EEF2KMT: variants seen among roughly 807,000 people sequenced by gnomAD.
EEF2KMT encodes the protein eukaryotic elongation factor 2 lysine methyltransferase.
A neutral mutation model predicts 35.1 loss-of-function variants in EEF2KMT; 30 were observed. The observed-to-expected ratio is 0.85, with a 90% CI of 0.64 to 1.16. EEF2KMT has a LOEUF of 1.16. Among genes scored for constraint, EEF2KMT ranks in the 50% most tolerant of loss-of-function variants. EEF2KMT has a pLI of 0.00. For missense variants in EEF2KMT, 499 were observed against 438.2 expected (o/e 1.14, Z -1.24); for synonymous variants, 190 against 187.7 (o/e 1.01, Z -0.10).
intron 7 of EEF2KMT, among the ~76,000 whole-genome samples, chr16:5,087,748 G>A (rs12931578): frequency 7.0e-6 from 1 of 142,840 alleles, no homozygotes; most frequent in African/African-American, 2.6e-5. Flanking sequence ...GCAGTGGGCC[G>A]AGATGGCACC....
chr16:5,097,307 A>G (rs62038085), intron 1 of EEF2KMT: 62,862 of 1,355,476 alleles, frequency 0.046, 1,702 homozygotes, highest in East Asian at 0.15. Flanking sequence ...CTGACTTTTT[A>G]GAATGGGCGA....
chr16:5,097,557 G>A, intron 1 of EEF2KMT, 87 bp downstream of exon 1: 2 of 1,515,392 alleles, frequency 1.3e-6, no homozygotes, highest in Non-Finnish European at 1.8e-6. Flanking sequence ...TGGCGGGAGC[G>A]CCAGGGGCTT....
rs190402165 is a variant in EEF2KMT, at chr16:5,085,656, C to T, written c.969G>A (p.Met323Ile). ...KLFPYEEHLEMAMLNLTL is the reference protein window; with the variant it reads ...KLFPYEEHLEIAMLNLTL ...CCTACAGGGTGAGATTCAGCATTGC[C>T]ATCTCCAAGTGCTCTTCGTAGGGAA... Residue 323 changes from methionine to isoleucine, a missense_variant, in exon 8 of 8, where the codon ATG becomes ATA. Physicochemically the swap from Met to Ile is conservative, Grantham distance 10. Coordinates refer to ENST00000427587, the MANE Select transcript of EEF2KMT (RefSeq NM_201400.4). The T allele has an allele frequency of 2.4e-4, 380 of 1,611,242 alleles. 4 individuals carry two copies. In the East Asian group the frequency reaches 5.2e-3, roughly 22 times the overall value.
In EEF2KMT at chr16:5,091,723, C is replaced by G. The variant is rs1319644141; in HGVS notation, c.342+71G>C. On this transcript the variant is annotated intron_variant, in intron 4 of 7. Coordinates refer to ENST00000427587, the MANE Select transcript of EEF2KMT (RefSeq NM_201400.4). ...GGTGAGTCAGGATTTGAACCCACAC[C>G]CACGTTTTCACTTTGTCTGTGCAGG... 5.0e-6 allele frequency: 8 copies of G among 1,597,220 alleles called. No homozygotes were observed. The South Asian group carries it at 5.6e-5, about 11-fold the overall frequency.
chr16:5,091,768 G>C lies in EEF2KMT; in HGVS notation c.342+26C>G, dbSNP rs762863799. On this transcript the variant is annotated intron_variant, in intron 4 of 7. Transcript: ENST00000427587. ...TGCAGGAAGGGTATCTGGGCTGTGAGGGGGAGGAGGGTGCCCTTCTCATAC... is the reference window on the plus strand; with the variant it reads ...TGCAGGAAGGGTATCTGGGCTGTGACGGGGAGGAGGGTGCCCTTCTCATAC... 1.7e-5 allele frequency: 28 copies of C among 1,610,824 alleles called. No individual in the cohort carries two copies. In the South Asian group the frequency reaches 2.1e-4, roughly 12 times the overall value.
At chr16:5,087,638 C>G (rs1042458532) in intron 7 of EEF2KMT, among the ~76,000 whole-genome samples, 2 of 151,880 alleles carry the variant, frequency 1.3e-5, no homozygotes, top group African/African-American at 4.8e-5. Flanking sequence ...ACTCTACAAA[C>G]AATACAAAAA....
At chr16:5,095,663 C>G (rs1957444278) in intron 1 of EEF2KMT, 149 bp from the exon 2 acceptor site, 5 of 1,290,846 alleles carry the variant, frequency 3.9e-6, no homozygotes, top group Non-Finnish European at 5.5e-6. Flanking sequence ...GAAAGCCTGA[C>G]ATTCAGATGT....
intron 1 of EEF2KMT, chr16:5,097,289 T>C (rs1362367844): frequency 1.5e-6 from 2 of 1,337,126 alleles, no homozygotes; most frequent in Non-Finnish European, 2.0e-6. Context: ...CCTGCGGTCC[T>C]GACGGCGCTG....
At chr16:5,086,984 A>G (rs1957200170) in intron 7 of EEF2KMT, 1 of 152,138 alleles carries the variant, frequency 6.6e-6, no homozygotes, top group Admixed American at 6.5e-5. Context: ...ACCCGGGACG[A>G]TTTTCAATCA....
chr16:5,088,186 C>G lies in EEF2KMT; in HGVS notation c.892+921G>C, dbSNP rs185930340. 1.2e-3 allele frequency among the ~76,000 whole-genome samples: 185 copies of G among 152,304 alleles called. 1 individual carries two copies. Among genetic ancestry groups the G allele is most frequent in the Non-Finnish European group, 1.9e-3 (132 of 68,032 alleles). ...TGAACACCTGGGGTCAAGTAGTCCT[C>G]TTGCCTTAGCCTCCTAAAGTGCTGG... On this transcript the variant is annotated intron_variant, in intron 7 of 7. Coordinates refer to ENST00000427587, the MANE Select transcript of EEF2KMT (RefSeq NM_201400.4).
In EEF2KMT at chr16:5,093,497, T is replaced by G. The variant is rs757528759; in HGVS notation, c.227A>C (p.Glu76Ala). 2 of 1,611,980 alleles carry G rather than the reference T, an allele frequency of 1.2e-6. No homozygotes were observed. The highest frequency in any genetic ancestry group is 1.7e-6 in the Non-Finnish European group (2 of 1,179,856). ...CCCATAACTGACCTTTTTGATGAGTTCTGAGAGAAAGCACCGGGCATATTT... is the reference window on the plus strand; with the variant it reads ...CCCATAACTGACCTTTTTGATGAGTGCTGAGAGAAAGCACCGGGCATATTT... ...SVKYARCFLS[E>A]LIKKHEAVHT... is the part of the protein sequence containing the mutation. The change falls in exon 3 of 8, where the codon GAA becomes GCA. Residue 76 changes from glutamate (E) to alanine (A), a missense_variant. Transcript: ENST00000427587.
Position 5,084,428 on chromosome 16 carries a change from T to C in EEF2KMT, c.*1204A>G, listed in dbSNP as rs1957076635. 2 of 524,240 alleles carry C rather than the reference T, an allele frequency of 3.8e-6. No homozygotes were observed. The highest frequency in any genetic ancestry group is 3.4e-5 in the East Asian group (1 of 29,174). 32.5% of individuals were successfully genotyped at this position (524,240 alleles called of 1,614,324 possible). A position where few individuals can be genotyped will look rare whatever the true frequency, so the allele number is the denominator to read the frequency against. ...TGCAAAGAACACCGACACCCCCTTGTTACCCACAGATGGGTGAGACTGCGT... is the reference window on the plus strand; with the variant it reads ...TGCAAAGAACACCGACACCCCCTTGCTACCCACAGATGGGTGAGACTGCGT... On this transcript the variant is annotated 3_prime_UTR_variant, in exon 8 of 8. Coordinates refer to ENST00000427587, the MANE Select transcript of EEF2KMT (RefSeq NM_201400.4).
At chr16:5,097,512 C>A in intron 1 of EEF2KMT, 132 bp downstream of exon 1, 5 of 1,464,482 alleles carry the variant, frequency 3.4e-6, no homozygotes, top group Non-Finnish European at 3.6e-6. Context: ...GACCGGGTCG[C>A]GCGGCCCTGA....
intron 1 of EEF2KMT, 38 bp downstream of exon 1, chr16:5,097,606 C>T (rs1443852134): frequency 6.5e-6 from 10 of 1,533,900 alleles, no homozygotes; most frequent in Non-Finnish European, 8.7e-6. Flanking sequence ...TGGACTCCCG[C>T]GAGCCCCGCG....
Position 5,090,615 on chromosome 16 carries a change from G to A in EEF2KMT, c.343-50C>T. The A allele has an allele frequency of 6.2e-7, 1 of 1,610,208 alleles. No individual in the cohort carries two copies. Among genetic ancestry groups the A allele is most frequent in the Non-Finnish European group, 8.5e-7 (1 of 1,178,584 alleles). ...TCAGTCCAGCGATCAGAAGGCAAGT[G>A]GCTTAGAAGACAAGTAGCCCCACCA... On this transcript the variant is annotated intron_variant, in intron 4 of 7. Transcript: ENST00000427587. This position sits in a 1 kb window ranked among gnomAD's most constrained non-coding sequence, Gnocchi z 4.1.
At position 5,084,839 on chromosome 16, in the gene EEF2KMT, G is replaced by A. The variant is rs772562254; in HGVS notation, c.*793C>T. Reference sequence around the variant, plus strand: ...AGTCGCAGCAGCTCCGATGGGATGAGAGCTGGGTGCAGACTGTGCTCCCTT... The same window carrying A: ...AGTCGCAGCAGCTCCGATGGGATGAAAGCTGGGTGCAGACTGTGCTCCCTT... On this transcript the variant is annotated 3_prime_UTR_variant, in exon 8 of 8. Coordinates refer to ENST00000427587, the MANE Select transcript of EEF2KMT (RefSeq NM_201400.4). 1.9e-5 allele frequency: 31 copies of A among 1,596,380 alleles called. No individual in the cohort carries two copies. The African/African-American group carries it at 2.4e-4, about 12-fold the overall frequency.
intron 2 of EEF2KMT, among the ~76,000 whole-genome samples, chr16:5,095,090 G>A (rs1957426733): frequency 6.6e-6 from 1 of 152,186 alleles, no homozygotes; most frequent in Non-Finnish European, 1.5e-5. Context: ...ACAGGAGTGG[G>A]CAGGACAGGC....
In EEF2KMT at chr16:5,097,247, A is replaced by T; in HGVS notation, c.96+397T>A. 3.1e-6 allele frequency: 4 copies of T among 1,288,878 alleles called. No individual in the cohort carries two copies. In the South Asian group the frequency reaches 5.1e-5, roughly 16 times the overall value. 79.8% of individuals were successfully genotyped at this position (1,288,878 alleles called of 1,614,324 possible). A position where few individuals can be genotyped will look rare whatever the true frequency, so the allele number is the denominator to read the frequency against. ...ACTGAGGCACGAGGGACAGCCTGTG[A>T]CCCGGTCACCGCGCTCAGGAGGACG... On this transcript the variant is annotated intron_variant, in intron 1 of 7. Transcript: ENST00000427587.
chr16:5,094,571 G>A (rs1259490327), intron 2 of EEF2KMT, among the ~76,000 whole-genome samples: 1 of 152,120 alleles, frequency 6.6e-6, no homozygotes, highest in Admixed American at 6.6e-5. Flanking sequence ...CCTTGTGCTG[G>A]GTTTTAAAGC....
Sources: allele counts gnomAD v4.1 joint callset (sites outside exome capture counted in the v4.1 genomes callset), GRCh38; gene constraint gnomAD v4.1.1; non-coding constraint Gnocchi (gnomAD v3.1); transcripts MANE v1.5; gene names NCBI Gene and HGNC (gene_info 2026-07-23, HGNC 2026-07-21).